Variants in TSKU observed in about 807,000 individuals in gnomAD.
TSKU encodes the protein tsukushi, small leucine rich proteoglycan.
TSKU carries 4 observed loss-of-function variants against 11.2 expected under a neutral mutation model. The observed-to-expected ratio is 0.36, with a 90% CI of 0.18 to 0.82. The LOEUF is 0.82. Among genes scored for constraint, TSKU ranks in the 40% least tolerant of loss-of-function variants. The pLI, the probability that TSKU is intolerant of heterozygous loss-of-function variation, is 0.50. For synonymous variants in TSKU, 220 were observed against 232.2 expected, an observed-to-expected ratio of 0.95 and a Z score of 0.48; for missense variants, 407 against 482.5, an observed-to-expected ratio of 0.84 and a Z score of 1.47.
chr11:76,783,305 G>T (rs1441992933), upstream of TSKU: 4 of 150,480 alleles, frequency 2.7e-5, no homozygotes, highest in African/African-American at 4.8e-5. Context: ...GCGGGGACCG[G>T]GGGGCGGGCC....
chr11:76,785,297 CAG>C (rs1478449070), intron 1 of TSKU, among the ~76,000 whole-genome samples: 1 of 152,200 alleles, frequency 6.6e-6, no homozygotes, highest in African/African-American at 2.4e-5. Flanking sequence ...TGGGTCAACA[CAG>C]GGGATGCAGT....
At chr11:76,782,471 A>G (rs973849416), upstream of TSKU, 2 of 150,844 alleles carry the variant, frequency 1.3e-5, no homozygotes, top group African/African-American at 4.9e-5. Context: ...GGAGCCACCC[A>G]CACACCTGAC....
chr11:76,795,510 T>C (rs917183949), intron 1 of TSKU, 99 bp from the exon 2 acceptor site: 25 of 1,425,090 alleles, frequency 1.8e-5, no homozygotes, highest in Non-Finnish European at 2.2e-5. Flanking sequence ...GGTCGGGGTC[T>C]GTGACACCTT....
chr11:76,790,210 C>T (rs1036507169), intron 1 of TSKU, among the ~76,000 whole-genome samples: 1 of 152,106 alleles, frequency 6.6e-6, no homozygotes, highest in African/African-American at 2.4e-5. Flanking sequence ...GAGACTTGTT[C>T]AGAGATGAGA....
intron 1 of TSKU, among the ~76,000 whole-genome samples, chr11:76,794,736 G>T (rs1590820371): frequency 6.6e-6 from 1 of 152,344 alleles, no homozygotes; most frequent in Non-Finnish European, 1.5e-5. Context: ...ACCCATCTGG[G>T]AATCTGGACA....
In TSKU at chr11:76,796,154, G is replaced by T; in HGVS notation, c.538G>T (p.Gly180Cys). The T allele has an allele frequency of 6.2e-7, 1 of 1,613,584 alleles. No individual in the cohort carries two copies. Reference protein sequence around the residue: ...HRLVPHPTRAGLPAPTIQSLN... With the variant: ...HRLVPHPTRACLPAPTIQSLN... ...CCTCGTGCCCCACCCCACGAGGGCC[G>T]GCCTGCCTGCGCCCACCATTCAGAG... The change falls in exon 2 of 2, where the codon GGC becomes TGC. Residue 180 changes from glycine (G) to cysteine (C), a missense_variant. Coordinates refer to ENST00000333090, the MANE Select transcript of TSKU (RefSeq NM_015516.4). This position sits in a 1 kb window ranked among gnomAD's most constrained non-coding sequence, Gnocchi z 4.1.
In TSKU at chr11:76,796,318, G is replaced by C; in HGVS notation, c.702G>C (p.Leu234=). The part of the protein sequence containing the change: ...AFAGLGGLTH[L]SLASLQRLPE... Reference sequence around the variant, plus strand: ...CGGGGCTGGGAGGCCTTACACACCTGTCTCTGGCCAGCCTGCAGAGGCTCC... The same window carrying C: ...CGGGGCTGGGAGGCCTTACACACCTCTCTCTGGCCAGCCTGCAGAGGCTCC... The change falls in exon 2 of 2, where the codon CTG becomes CTC. Residue 234 remains leucine, a synonymous_variant. Transcript: ENST00000333090. The surrounding 1 kb of genome is among the most constrained non-coding windows in gnomAD (Gnocchi z 4.1). The C allele has an allele frequency of 6.2e-7, 1 of 1,613,318 alleles. No individual in the cohort carries two copies.
At chr11:76,787,139 G>A (rs562307497) in intron 1 of TSKU, among the ~76,000 whole-genome samples, 2 of 152,290 alleles carry the variant, frequency 1.3e-5, no homozygotes, top group African/African-American at 4.8e-5. Context: ...AGGACTCAGA[G>A]GGGTGAGGGC....
rs1270930902 is a variant in TSKU, at chr11:76,796,017, G to A, written c.401G>A (p.Ser134Asn). 1.9e-6 allele frequency: 3 copies of A among 1,613,824 alleles called. No homozygotes were observed. The highest frequency in any genetic ancestry group is 2.7e-5 in the African/African-American group (2 of 74,886). Residue 134 changes from serine to asparagine, a missense_variant, in exon 2 of 2, where the codon AGC becomes AAC. Transcript: ENST00000333090. This position sits in a 1 kb window ranked among gnomAD's most constrained non-coding sequence, Gnocchi z 4.1. ...GAGAGCTTCACCAGCTCACCCCTGA[G>A]CGACGTGAACCTTAGCCACAACCAG... is the stretch of plus-strand genomic sequence containing the variant. Reference protein sequence around the residue: ...PAESFTSSPLSDVNLSHNQLR... With the variant: ...PAESFTSSPLNDVNLSHNQLR...
intron 1 of TSKU, among the ~76,000 whole-genome samples, chr11:76,786,336 T>C (rs1292198777): frequency 6.6e-6 from 1 of 152,236 alleles, no homozygotes; most frequent in Non-Finnish European, 1.5e-5. Flanking sequence ...CTTTCCTGGA[T>C]GAGCGGCAGG....
At position 76,795,552 on chromosome 11, in the gene TSKU, T is replaced by C. The variant is rs1944427466; in HGVS notation, c.-8-57T>C. The C allele has an allele frequency of 5.8e-6, 9 of 1,559,706 alleles. No homozygotes were observed. The South Asian group carries it at 1.1e-4, about 19-fold the overall frequency. On this transcript the variant is annotated intron_variant, in intron 1 of 1. Coordinates refer to ENST00000333090, the MANE Select transcript of TSKU (RefSeq NM_015516.4). ...GTGTCTAGACTGGGCTCATGTCCTGTGTGGTGGCTTTAGACCATCTGGTGC... is the reference window on the plus strand; with the variant it reads ...GTGTCTAGACTGGGCTCATGTCCTGCGTGGTGGCTTTAGACCATCTGGTGC...
Position 76,796,481 on chromosome 11 carries a change from A to AC in TSKU, c.867dup (p.Asn290GlnfsTer7). Reference sequence around the variant, plus strand: ...CCTGCAGGAGCTGGACCTTTCGGGCACCAACCTGGTGCCCCTGCCTGAGGC... The same window carrying AC: ...CCTGCAGGAGCTGGACCTTTCGGGCACCCAACCTGGTGCCCCTGCCTGAGGC... On this transcript the variant is annotated frameshift_variant, in exon 2 of 2. Transcript: ENST00000333090. LOFTEE classifies it high-confidence loss of function. This position sits in a 1 kb window ranked among gnomAD's most constrained non-coding sequence, Gnocchi z 4.1. The AC allele has an allele frequency of 6.2e-7, 1 of 1,612,728 alleles. No homozygotes were observed. The highest frequency in any genetic ancestry group is 8.5e-7 in the Non-Finnish European group (1 of 1,179,666).
In TSKU at chr11:76,796,019, G is replaced by A. The variant is rs200202157; in HGVS notation, c.403G>A (p.Asp135Asn). 88 of 1,613,784 alleles carry A rather than the reference G, an allele frequency of 5.5e-5. No individual in the cohort carries two copies. The highest frequency in any genetic ancestry group is 6.9e-5 in the Non-Finnish European group (81 of 1,180,020). The change falls in exon 2 of 2, where the codon GAC becomes AAC. Residue 135 changes from aspartate to asparagine, a missense_variant. Transcript: ENST00000333090. The surrounding 1 kb of genome is among the most constrained non-coding windows in gnomAD (Gnocchi z 4.1). ...GAGCTTCACCAGCTCACCCCTGAGC[G>A]ACGTGAACCTTAGCCACAACCAGCT... ...AESFTSSPLS[D>N]VNLSHNQLRE...
chr11:76,788,915 C>T (rs1291571941), intron 1 of TSKU, among the ~76,000 whole-genome samples: 1 of 152,202 alleles, frequency 6.6e-6, no homozygotes, highest in Non-Finnish European at 1.5e-5. Flanking sequence ...TGAAGGAGGC[C>T]TGTGGGTAGC....
In TSKU at chr11:76,795,606, T is replaced by A; in HGVS notation, c.-8-3T>A. 6.2e-7 allele frequency: 1 copy of A among 1,606,742 alleles called. No individual in the cohort carries two copies. Among genetic ancestry groups the A allele is most frequent in the Non-Finnish European group, 8.5e-7 (1 of 1,179,268 alleles). On this transcript the variant is annotated splice_region_variant and splice_polypyrimidine_tract_variant and intron_variant, in intron 1 of 1. Transcript: ENST00000333090. ...CATTCCTCACCTGTGGCTCTCTTTC[T>A]AGCCCCCACCATGCCGTGGCCCCTG... is the stretch of plus-strand genomic sequence containing the variant.
chr11:76,796,188 T>C lies in TSKU; in HGVS notation c.572T>C (p.Leu191Pro), dbSNP rs1362004330. 6.2e-7 allele frequency: 1 copy of C among 1,613,648 alleles called. No individual in the cohort carries two copies. The highest frequency in any genetic ancestry group is 8.5e-7 in the Non-Finnish European group (1 of 1,179,990). The change falls in exon 2 of 2, where the codon CTG (leucine) becomes CCG (proline). Residue 191 changes from leucine to proline, a missense_variant. Leu to Pro is a moderately conservative substitution (Grantham distance 98). Coordinates refer to ENST00000333090, the MANE Select transcript of TSKU (RefSeq NM_015516.4). The surrounding 1 kb of genome is among the most constrained non-coding windows in gnomAD (Gnocchi z 4.1). ...GCGCCCACCATTCAGAGCCTGAACC[T>C]GGCCTGGAACCGGCTCCATGCCGTG... ...LPAPTIQSLNLAWNRLHAVPN... is the reference protein window; with the variant it reads ...LPAPTIQSLNPAWNRLHAVPN...
chr11:76,782,967 A>T (rs1944253104), upstream of TSKU: 1 of 152,224 alleles, frequency 6.6e-6, no homozygotes, highest in African/African-American at 2.4e-5. Context: ...CCACACACAC[A>T]GTCATACACA....
At position 76,798,026 on chromosome 11, in the gene TSKU, T is replaced by TGGGCATCAGGGGCTGGCCCCAC. The variant is rs1182650082; in HGVS notation, c.*1349_*1370dup. The TGGGCATCAGGGGCTGGCCCCAC allele has an allele frequency of 1.2e-5, 2 of 167,356 alleles. No individual in the cohort carries two copies. The highest frequency in any genetic ancestry group is 4.8e-5 in the African/African-American group (2 of 41,578). 10.4% of individuals were successfully genotyped at this position (167,356 alleles called of 1,614,324 possible). ...GGGAAGCTGGGCATCAGTGGCCACA[T>TGGGCATCAGGGGCTGGCCCCAC]GGGCATCAGGGGCTGGCCCCACAGA... On this transcript the variant is annotated 3_prime_UTR_variant, in exon 2 of 2. Transcript: ENST00000333090.
intron 1 of TSKU, among the ~76,000 whole-genome samples, chr11:76,794,096 AG>A (rs1369053240): frequency 2.0e-5 from 3 of 152,164 alleles, no homozygotes; most frequent in African/African-American, 7.2e-5. Context: ...CCTGGCTAGA[AG>A]GAAGCTTAGT....
Sources: gnomAD v4.1 joint callset for allele counts (sites outside exome capture counted in the v4.1 genomes callset) on GRCh38, gnomAD v4.1.1 for gene constraint, Gnocchi (gnomAD v3.1) non-coding constraint, MANE v1.5 for transcripts, NCBI Gene and HGNC (gene_info 2026-07-23, HGNC 2026-07-21) for gene names.